The following PLEKHO2 variants were observed in gnomAD, a reference collection of about 807,000 sequenced individuals.
PLEKHO2 encodes the protein pleckstrin homology domain containing O2.
In PLEKHO2, 20 loss-of-function variants were observed where a neutral mutation model predicts 32.7. The ratio of observed to expected loss-of-function variants is 0.61; its 90% CI spans 0.43 to 0.89. PLEKHO2 has a LOEUF of 0.89. Among genes scored for constraint, PLEKHO2 ranks in the 40% least tolerant of loss-of-function variants. PLEKHO2 has a pLI of 0.00. For synonymous variants in PLEKHO2, 247 were observed against 246.3 expected (o/e 1.00, Z -0.03); for missense variants, 568 against 621.2 (o/e 0.91, Z 0.91).
intron 1 of PLEKHO2, among the ~76,000 whole-genome samples, chr15:64,847,299 G>A (rs2084529821): frequency 2.0e-5 from 3 of 152,138 alleles, no homozygotes; most frequent in African/African-American, 7.2e-5. Flanking sequence ...TATCCCTGGG[G>A]AGAGGCACAC....
rs778172832 is a variant in PLEKHO2 at position 64,853,540 on chromosome 15, C to T, written c.163-1381C>T. On this transcript the variant is annotated intron_variant, in intron 2 of 5. Transcript: ENST00000323544. Reference sequence around the variant, plus strand: ...CGATCTCCTGAACTCGTGATCTGCCCGCCTCGGCCTCCCAAAGTGCTGGGA... The same window carrying T: ...CGATCTCCTGAACTCGTGATCTGCCTGCCTCGGCCTCCCAAAGTGCTGGGA... Among the ~76,000 whole-genome samples, 11 of 152,000 alleles carry T rather than the reference C, an allele frequency of 7.2e-5. No homozygotes were observed. The South Asian group carries it at 8.3e-4, about 11-fold the overall frequency.
intron 3 of PLEKHO2, among the ~76,000 whole-genome samples, chr15:64,855,538 A>C (rs2084601007): frequency 6.6e-6 from 1 of 152,188 alleles, no homozygotes; most frequent in Non-Finnish European, 1.5e-5. Flanking sequence ...GCAGCCCCCC[A>C]GCTTTCCTCC....
intron 2 of PLEKHO2, among the ~76,000 whole-genome samples, chr15:64,853,657 T>C (rs562189771): frequency 6.6e-6 from 1 of 152,240 alleles, no homozygotes; most frequent in East Asian, 1.9e-4. Context: ...GTCCCAACCT[T>C]GGAGGACCCC....
At chr15:64,848,837 A>T in intron 2 of PLEKHO2, 95 bp downstream of exon 2, 1 of 1,501,522 alleles carries the variant, frequency 6.7e-7, no homozygotes. Flanking sequence ...CTGGGGCCAG[A>T]AGACCTGCTC....
intron 2 of PLEKHO2, among the ~76,000 whole-genome samples, chr15:64,851,802 C>G (rs1327323354): frequency 1.3e-5 from 2 of 151,996 alleles, no homozygotes; most frequent in African/African-American, 4.8e-5. Context: ...TTTTTGTTCC[C>G]AGGCAGAGGA....
At chr15:64,863,766 G>A (rs918320458) in intron 5 of PLEKHO2, among the ~76,000 whole-genome samples, 5 of 145,234 alleles carry the variant, frequency 3.4e-5, no homozygotes, top group Admixed American at 2.1e-4. Context: ...TTTTTGAGAC[G>A]GAGCTTCGCT....
At chr15:64,843,398 T>C (rs1473980277) in intron 1 of PLEKHO2, among the ~76,000 whole-genome samples, 2 of 152,180 alleles carry the variant, frequency 1.3e-5, no homozygotes, top group Admixed American at 6.5e-5. Context: ...CCCAGGCCCC[T>C]GCTGCAAGGG....
At chr15:64,850,656 T>C (rs1204178019) in intron 2 of PLEKHO2, among the ~76,000 whole-genome samples, 2 of 152,232 alleles carry the variant, frequency 1.3e-5, no homozygotes, top group Non-Finnish European at 2.9e-5. Context: ...CAACTTCTGC[T>C]GTCCTTGTGC....
chr15:64,848,446 T>C, intron 1 of PLEKHO2, 147 bp from the exon 2 acceptor site: 1 of 852,966 alleles, frequency 1.2e-6, no homozygotes, highest in Non-Finnish European at 1.8e-6. Flanking sequence ...GTTAGGAATA[T>C]CTGCCTTGGG....
chr15:64,847,861 C>T (rs1272304346), intron 1 of PLEKHO2, among the ~76,000 whole-genome samples: 1 of 152,148 alleles, frequency 6.6e-6, no homozygotes, highest in Non-Finnish European at 1.5e-5. Context: ...GAAGGGGCTG[C>T]AGAGTGGGTT....
At chr15:64,851,663 C>T (rs2084570334) in intron 2 of PLEKHO2, among the ~76,000 whole-genome samples, 1 of 152,132 alleles carries the variant, frequency 6.6e-6, no homozygotes, top group Non-Finnish European at 1.5e-5. Flanking sequence ...TTCCCTCACC[C>T]ATTGCCTACT....
chr15:64,847,520 C>G (rs528386934), intron 1 of PLEKHO2, among the ~76,000 whole-genome samples: 2 of 152,098 alleles, frequency 1.3e-5, no homozygotes, highest in Non-Finnish European at 2.9e-5. Context: ...TCATTTCACG[C>G]GTACCTCTTG....
chr15:64,854,959 C>T lies in PLEKHO2; in HGVS notation c.201C>T (p.Ser67=). The change falls in exon 3 of 6, where the codon AGC becomes AGT. Residue 67 remains serine (S), a synonymous_variant. Transcript: ENST00000323544. ...GTGTGGAGACTGTGGAGCTGGGCAG[C>T]TATGAGAAGTGCCAGGACCTTCGTG... The part of the protein sequence containing the change: ...QKCVETVELG[S]YEKCQDLRAL... The T allele has an allele frequency of 6.2e-7, 1 of 1,612,272 alleles. No individual in the cohort carries two copies. The highest frequency in any genetic ancestry group is 8.5e-7 in the Non-Finnish European group (1 of 1,179,322).
At chr15:64,861,355 G>A in intron 4 of PLEKHO2, 122 bp from the exon 5 acceptor site, 1 of 662,938 alleles carries the variant, frequency 1.5e-6, no homozygotes. Flanking sequence ...GGCCAGGGCA[G>A]GGAGATTCCC....
rs889065769 is a variant in PLEKHO2 at position 64,849,708 on chromosome 15, G to A, written c.162+966G>A. On this transcript the variant is annotated intron_variant, in intron 2 of 5. Coordinates refer to ENST00000323544, the MANE Select transcript of PLEKHO2 (RefSeq NM_025201.5). ...TCCACCCACCTCCGCCTCCCAAAGT[G>A]CTGGGATTACAGGCGTGAGCCTGCG... Among the ~76,000 whole-genome samples the A allele has an allele frequency of 2.0e-5, 3 of 150,708 alleles. No homozygotes were observed. The East Asian group carries it at 5.9e-4, about 30-fold the overall frequency.
intron 5 of PLEKHO2, among the ~76,000 whole-genome samples, chr15:64,862,248 G>T (rs996245850): frequency 6.6e-6 from 1 of 152,100 alleles, no homozygotes; most frequent in African/African-American, 2.4e-5. Context: ...GCTCTGGGTA[G>T]GATGGGTTGG....
intron 1 of PLEKHO2, among the ~76,000 whole-genome samples, chr15:64,844,890 C>T (rs1422867396): frequency 2.0e-5 from 3 of 152,168 alleles, no homozygotes; most frequent in African/African-American, 4.8e-5. Context: ...AGGCTGGAGC[C>T]TCTCAAGCAG....
At chr15:64,859,180 A>G (rs1228481797) in intron 3 of PLEKHO2, among the ~76,000 whole-genome samples, 2 of 152,248 alleles carry the variant, frequency 1.3e-5, no homozygotes, top group Non-Finnish European at 2.9e-5. Context: ...CTGTCAGTGG[A>G]CACTGAGGTT....
At chr15:64,856,477 C>T (rs775609299) in intron 3 of PLEKHO2, among the ~76,000 whole-genome samples, 13 of 152,080 alleles carry the variant, frequency 8.5e-5, no homozygotes, top group Non-Finnish European at 1.3e-4. Flanking sequence ...CCATCTCTTC[C>T]CCAGCTCTGA....
Sources: allele counts gnomAD v4.1 joint callset (sites outside exome capture counted in the v4.1 genomes callset), GRCh38; gene constraint gnomAD v4.1.1; transcripts MANE v1.5; gene names NCBI Gene and HGNC (gene_info 2026-07-23, HGNC 2026-07-21).